Variants in CRB1 observed in about 807,000 individuals in gnomAD.
CRB1 encodes protein crumbs homolog 1.
In CRB1, 83 loss-of-function variants were observed where a neutral mutation model predicts 120.0. The observed-to-expected ratio is 0.69, with a 90% CI of 0.58 to 0.83. The LOEUF (loss-of-function observed/expected upper bound fraction) is 0.83. CRB1 is among the 40% of genes least tolerant of loss of function. CRB1 has a pLI of 0.00. For synonymous variants in CRB1, 625 were observed against 612.5 expected, an observed-to-expected ratio of 1.02 and a Z score of -0.30; for missense variants, 1,699 against 1,687.6, an observed-to-expected ratio of 1.01 and a Z score of -0.12.
At chr1:197,222,535 T>C in the CRB1 span, 1 of 768,404 alleles carries the variant, frequency 1.3e-6, no homozygotes, top group South Asian at 1.3e-5. Context: ...CTTGGCAGTG[T>C]TGCAAATTCC....
At chr1:197,403,639 T>A (rs1338605397) in intron 5 of CRB1, among the ~76,000 whole-genome samples, 2 of 152,192 alleles carry the variant, frequency 1.3e-5, no homozygotes, top group African/African-American at 4.8e-5. Flanking sequence ...TTTTTTTTCT[T>A]GGACTTTCTC....
At chr1:197,477,258 C>T (rs1351971279) in intron 11 of CRB1, among the ~76,000 whole-genome samples, 1 of 152,034 alleles carries the variant, frequency 6.6e-6, no homozygotes, top group East Asian at 1.9e-4. Flanking sequence ...GTAAAATAAC[C>T]ATTTCTTCAG....
Position 197,435,727 on chromosome 1 carries a change from G to T in CRB1, c.3749+115G>T, listed in dbSNP as rs926881125. 7.3e-5 allele frequency: 66 copies of T among 899,852 alleles called. 2 individuals carry two copies. The highest frequency in any genetic ancestry group is 6.4e-4 in the South Asian group (43 of 67,200). 55.7% of individuals were successfully genotyped at this position (899,852 alleles called of 1,614,324 possible). On this transcript the variant is annotated intron_variant, in intron 9 of 11. Coordinates refer to ENST00000367400, the MANE Select transcript of CRB1 (RefSeq NM_201253.3). ...ATACATATATACTGTGCTGAACAGGGTGACACTGGTAGCTTCTGTCACAAT... is the reference window on the plus strand; with the variant it reads ...ATACATATATACTGTGCTGAACAGGTTGACACTGGTAGCTTCTGTCACAAT...
rs1658700284 is a variant in CRB1 at position 197,329,003 on chromosome 1, GGTAA to G, written c.652+3_652+6del. The G allele has an allele frequency of 1.9e-6, 3 of 1,607,398 alleles. No homozygotes were observed. The East Asian group carries it at 6.7e-5, about 36-fold the overall frequency. Reference sequence around the variant, plus strand: ...TTGTATCTGTCCCCACAATTATTCTGGTAAGTGTGATCATATCTGAATCACAGAT... The same window carrying G: ...TTGTATCTGTCCCCACAATTATTCTGGTGTGATCATATCTGAATCACAGAT... On this transcript the variant is annotated splice_donor_variant and splice_donor_region_variant and intron_variant, in intron 2 of 11. Transcript: ENST00000367400. LOFTEE classifies it high-confidence loss of function.
the CRB1 span, among the ~76,000 whole-genome samples, chr1:197,234,850 A>G: frequency 6.6e-6 from 1 of 152,264 alleles, no homozygotes. Context: ...TGAGGAAAGC[A>G]GTCAATTAGG....
upstream of CRB1, among the ~76,000 whole-genome samples, chr1:197,264,707 C>T (rs886808448): frequency 3.3e-5 from 5 of 151,108 alleles, no homozygotes; most frequent in East Asian, 3.9e-4. Flanking sequence ...CTGCAACCTC[C>T]GCCTCCTGGG....
intron 5 of CRB1, among the ~76,000 whole-genome samples, chr1:197,402,380 A>T (rs1411806700): frequency 6.6e-6 from 1 of 152,204 alleles, no homozygotes. Flanking sequence ...CTCACAAAAG[A>T]CATTACCTTG....
At chr1:197,261,826 A>T in the CRB1 span, among the ~76,000 whole-genome samples, 1 of 152,210 alleles carries the variant, frequency 6.6e-6, no homozygotes, top group Non-Finnish European at 1.5e-5. Context: ...AGCACTTATT[A>T]TACAGGTAAC....
rs1367253589 is a variant in CRB1 at position 197,356,998 on chromosome 1, C to T, written c.1156C>T (p.Gln386Ter). 2.5e-6 allele frequency: 4 copies of T among 1,614,212 alleles called. No homozygotes were observed. Among genetic ancestry groups the T allele is most frequent in the Non-Finnish European group, 3.4e-6 (4 of 1,180,032 alleles). ...AGCCTCAGGTTATGTCTGTATCTGT[C>T]AGCCTGGATTCACAGGTGAGGCCAA... is the stretch of plus-strand genomic sequence containing the variant. ...HEASGYVCIC[Q>*]PGFTGIHCEE... The change falls in exon 5 of 12, where the codon CAG (glutamine) becomes TAG (stop). Residue 386 changes from glutamine to a stop codon, truncating the protein, a stop_gained. Transcript: ENST00000367400. LOFTEE classifies it high-confidence loss of function.
intron 1 of CRB1, among the ~76,000 whole-genome samples, chr1:197,308,274 G>A (rs1657291372): frequency 6.6e-6 from 1 of 152,116 alleles, no homozygotes; most frequent in East Asian, 1.9e-4. Flanking sequence ...TAGACACTGT[G>A]GACTACTTGG....
chr1:197,476,168 C>G lies in CRB1; in HGVS notation c.4006-1496C>G, dbSNP rs141924305. ...CAGGTGATCTGCCCACCTCAGCTTCCGAAAGTGCTGGGATTACAGATATGA... is the reference window on the plus strand; with the variant it reads ...CAGGTGATCTGCCCACCTCAGCTTCGGAAAGTGCTGGGATTACAGATATGA... On this transcript the variant is annotated intron_variant, in intron 11 of 11. Transcript: ENST00000367400. Among the ~76,000 whole-genome samples the G allele has an allele frequency of 5.9e-3, 897 of 152,026 alleles. 2 individuals are homozygous for G. Among genetic ancestry groups the G allele is most frequent in the African/African-American group, 0.021 (864 of 41,470 alleles).
At position 197,323,722 on chromosome 1, in the gene CRB1, A is replaced by T. The variant is rs188768589; in HGVS notation, c.71-4700A>T. 1.2e-3 allele frequency among the ~76,000 whole-genome samples: 177 copies of T among 152,252 alleles called. 1 individual carries two copies. Among genetic ancestry groups the T allele is most frequent in the African/African-American group, 3.9e-3 (161 of 41,548 alleles). On this transcript the variant is annotated intron_variant, in intron 1 of 11. Coordinates refer to ENST00000367400, the MANE Select transcript of CRB1 (RefSeq NM_201253.3). The stretch of plus-strand genomic sequence containing the variant: ...GATGACAAAGGGCAGGGCATCTTCT[A>T]TGAGGTAAATGTGTATGATTGCAGC...
At chr1:197,335,031 G>A (rs1161739021) in intron 2 of CRB1, among the ~76,000 whole-genome samples, 2 of 152,196 alleles carry the variant, frequency 1.3e-5, no homozygotes, top group African/African-American at 4.8e-5. Context: ...TCACTGAGAA[G>A]GTGACATGTG....
At chr1:197,377,595 A>C (rs764524878) in intron 5 of CRB1, among the ~76,000 whole-genome samples, 2 of 152,210 alleles carry the variant, frequency 1.3e-5, no homozygotes, top group Non-Finnish European at 2.9e-5. Context: ...TAAGTTTTCC[A>C]TGCCACTTGA....
chr1:197,333,245 G>A (rs891211942), intron 2 of CRB1, among the ~76,000 whole-genome samples: 4 of 152,194 alleles, frequency 2.6e-5, no homozygotes, highest in African/African-American at 9.6e-5. Flanking sequence ...TGCTTCATGG[G>A]CAGTGATTCA....
chr1:197,441,101 G>T (rs955370056), intron 10 of CRB1: 10 of 152,038 alleles, frequency 6.6e-5, no homozygotes, highest in African/African-American at 2.4e-4. Flanking sequence ...TGACCCATAC[G>T]TGCAAGTTTT....
chr1:197,275,950 AG>A lies in CRB1; in HGVS notation c.70+7469del, dbSNP rs539091201. On this transcript the variant is annotated intron_variant, in intron 1 of 11. Coordinates refer to ENST00000367400, the MANE Select transcript of CRB1 (RefSeq NM_201253.3). ...ATAAACAGTAAAATTTCTGAAAGGA[AG>A]AAGGTACTCAGTCATCTAGTATTAG... Among the ~76,000 whole-genome samples the A allele has an allele frequency of 2.5e-3, 373 of 151,994 alleles. 1 individual carries two copies. Among genetic ancestry groups the A allele is most frequent in the African/African-American group, 8.4e-3 (347 of 41,494 alleles).
chr1:197,369,464 A>G (rs1444282686), intron 5 of CRB1, among the ~76,000 whole-genome samples: 1 of 152,000 alleles, frequency 6.6e-6, no homozygotes, highest in East Asian at 1.9e-4. Flanking sequence ...CCTGAGACCA[A>G]CCAATCCTCT....
the CRB1 span, among the ~76,000 whole-genome samples, chr1:197,261,243 G>A: frequency 7.2e-5 from 11 of 152,056 alleles, no homozygotes; most frequent in African/African-American, 2.4e-5. Context: ...TTCTGTATTT[G>A]CCTAAGGTAA....
Sources: gnomAD v4.1 joint callset for allele counts (sites outside exome capture counted in the v4.1 genomes callset) on GRCh38, gnomAD v4.1.1 for gene constraint, MANE v1.5 for transcripts, NCBI Gene and HGNC (gene_info 2026-07-23, HGNC 2026-07-21) for gene names.